EPHA3: variants seen among roughly 807,000 people sequenced by gnomAD.
EPHA3 encodes the protein ephrin type-A receptor 3.
Under a neutral mutation model 107.1 loss-of-function variants are expected in EPHA3, and 42 were observed. The ratio of observed to expected loss-of-function variants is 0.39; its 90% CI spans 0.31 to 0.51. EPHA3 has a LOEUF of 0.51. Among genes scored for constraint, EPHA3 ranks in the 20% least tolerant of loss-of-function variants. EPHA3 has a pLI of 0.78. For synonymous variants in EPHA3, 461 were observed against 424.8 expected (o/e 1.09, Z -1.05); for missense variants, 1,183 against 1,211.2 (o/e 0.98, Z 0.35).
At position 89,408,131 on chromosome 3, in the gene EPHA3, T is replaced by C. The variant is rs1709088981; in HGVS notation, c.1762T>C (p.Leu588=). Residue 588 remains leucine, a splice_region_variant and synonymous_variant, in exon 9 of 17, where the codon TTA becomes CTA. Transcript: ENST00000336596. ...EKRLHFGNGH[L]KLPGLRTYVD... ...AAGACTTCATTTTGGCAATGGGCATTGTAAGTTTCTAAACTTGGCTTTTTG... is the reference window on the plus strand; with the variant it reads ...AAGACTTCATTTTGGCAATGGGCATCGTAAGTTTCTAAACTTGGCTTTTTG... The C allele has an allele frequency of 6.2e-7, 1 of 1,612,536 alleles. No individual in the cohort carries two copies. The highest frequency in any genetic ancestry group is 1.3e-5 in the African/African-American group (1 of 74,866).
chr3:89,242,524 G>A (rs1320149746), intron 3 of EPHA3, among the ~76,000 whole-genome samples: 5 of 152,110 alleles, frequency 3.3e-5, no homozygotes, highest in East Asian at 1.9e-4. Context: ...TGCAAGCTCC[G>A]CCTCCCGGGT....
chr3:89,341,645 TAAAG>T, intron 4 of EPHA3, 106 bp from the exon 5 acceptor site: 1 of 867,634 alleles, frequency 1.2e-6, no homozygotes, highest in East Asian at 2.6e-5. Flanking sequence ...AAGTTGATAA[TAAAG>T]AAAGGATAGT....
chr3:89,171,381 G>A (rs1705205540), intron 2 of EPHA3, among the ~76,000 whole-genome samples: 1 of 152,260 alleles, frequency 6.6e-6, no homozygotes, highest in Non-Finnish European at 1.5e-5. Flanking sequence ...TCTAAAGAAG[G>A]TGATACTGTC....
intron 3 of EPHA3, among the ~76,000 whole-genome samples, chr3:89,334,626 A>G (rs559841873): frequency 3.2e-4 from 49 of 152,322 alleles, no homozygotes; most frequent in African/African-American, 1.2e-3. Flanking sequence ...ATTCACTGCT[A>G]GGTGCTGGAT....
intron 5 of EPHA3, among the ~76,000 whole-genome samples, chr3:89,359,703 TTG>T (rs145696546): frequency 1.4e-5 from 2 of 145,470 alleles, no homozygotes; most frequent in South Asian, 2.1e-4. Context: ...ACGTTATATA[TTG>T]TGTGTGTGTA....
intron 2 of EPHA3, among the ~76,000 whole-genome samples, chr3:89,166,939 C>A (rs1029534075): frequency 2.6e-5 from 4 of 152,074 alleles, no homozygotes; most frequent in African/African-American, 9.7e-5. Context: ...CTTTATCTGA[C>A]AAGTCACAGG....
At chr3:89,399,579 G>A (rs2107508893) in intron 7 of EPHA3, 99 bp downstream of exon 7, 1 of 1,525,328 alleles carries the variant, frequency 6.6e-7, no homozygotes, top group Non-Finnish European at 8.8e-7. Context: ...AAACAAATGT[G>A]ATACATTTAA....
At chr3:89,456,613 G>T (rs1292921896) in intron 15 of EPHA3, among the ~76,000 whole-genome samples, 1 of 152,154 alleles carries the variant, frequency 6.6e-6, no homozygotes, top group East Asian at 1.9e-4. Context: ...CGCTTAGAGT[G>T]TCTCCATGAA....
At chr3:89,432,514 C>G (rs1256404868) in intron 13 of EPHA3, among the ~76,000 whole-genome samples, 1 of 152,048 alleles carries the variant, frequency 6.6e-6, no homozygotes, top group Non-Finnish European at 1.5e-5. Context: ...AAGTGATCCT[C>G]CCTCCTCAGC....
At chr3:89,204,479 AC>A (rs1354631910) in intron 2 of EPHA3, among the ~76,000 whole-genome samples, 1 of 14,580 alleles carries the variant, frequency 6.9e-5, no homozygotes, top group African/African-American at 1.2e-4. Flanking sequence ...GATTTGACAC[AC>A]CACACACACA....
chr3:89,226,033 T>C (rs774342583), intron 3 of EPHA3, among the ~76,000 whole-genome samples: 2 of 152,186 alleles, frequency 1.3e-5, no homozygotes, highest in Non-Finnish European at 2.9e-5. Flanking sequence ...TAAATTATAT[T>C]CACTCCACTC....
intron 3 of EPHA3, among the ~76,000 whole-genome samples, chr3:89,244,092 C>T (rs1175424769): frequency 6.6e-6 from 1 of 152,026 alleles, no homozygotes; most frequent in Non-Finnish European, 1.5e-5. Flanking sequence ...ATGGCCCTTA[C>T]ACATCATTTT....
At chr3:89,359,075 A>G (rs1708028773) in intron 5 of EPHA3, among the ~76,000 whole-genome samples, 1 of 151,160 alleles carries the variant, frequency 6.6e-6, no homozygotes, top group African/African-American at 2.4e-5. Context: ...ATTCTAGTTA[A>G]ATAGACAGTT....
At chr3:89,426,402 G>A (rs1709457245) in intron 11 of EPHA3, among the ~76,000 whole-genome samples, 1 of 151,862 alleles carries the variant, frequency 6.6e-6, no homozygotes, top group East Asian at 1.9e-4. Flanking sequence ...TAGAATATTT[G>A]TAATTCTGTT....
intron 5 of EPHA3, among the ~76,000 whole-genome samples, chr3:89,345,526 T>C (rs919001030): frequency 1.3e-5 from 2 of 151,164 alleles, no homozygotes; most frequent in African/African-American, 4.8e-5. Flanking sequence ...CCCATCTCTC[T>C]TTCTATGTAA....
intron 3 of EPHA3, among the ~76,000 whole-genome samples, chr3:89,211,742 C>CCTTCTTCTTCTTCTT: frequency 5.1e-5 from 1 of 19,538 alleles, no homozygotes; most frequent in Non-Finnish European, 1.2e-4. Flanking sequence ...TTCTTCTTCT[C>CCTTCTTCTTCTTCTT]CTTCTTCTTC....
chr3:89,283,698 A>G (rs1476882027), intron 3 of EPHA3, among the ~76,000 whole-genome samples: 1 of 152,128 alleles, frequency 6.6e-6, no homozygotes, highest in African/African-American at 2.4e-5. Flanking sequence ...AACTCTTCAG[A>G]TACAAATCTT....
chr3:89,407,650 A>G (rs545199683), intron 8 of EPHA3, among the ~76,000 whole-genome samples: 33 of 151,904 alleles, frequency 2.2e-4, no homozygotes, highest in African/African-American at 7.7e-4. Context: ...TTCTTTCTCT[A>G]ATTATCTCCT....
At chr3:89,409,005 CT>C (rs1441678508) in intron 9 of EPHA3, among the ~76,000 whole-genome samples, 2 of 151,982 alleles carry the variant, frequency 1.3e-5, no homozygotes, top group African/African-American at 4.8e-5. Context: ...AAAATGATAG[CT>C]TTAGTTGTAA....
Sources: gnomAD v4.1 joint callset for allele counts (sites outside exome capture counted in the v4.1 genomes callset) on GRCh38, gnomAD v4.1.1 for gene constraint, MANE v1.5 for transcripts, NCBI Gene and HGNC (gene_info 2026-07-23, HGNC 2026-07-21) for gene names.